WNT5A: variants seen among roughly 807,000 people sequenced by gnomAD.
WNT5A encodes protein Wnt-5a.
WNT5A carries 9 observed loss-of-function variants against 42.1 expected under a neutral mutation model. That is an observed-to-expected ratio of 0.21 (90% CI 0.13 to 0.37). The LOEUF (loss-of-function observed/expected upper bound fraction) is 0.37, where lower values mean the gene tolerates loss of function less well. Ranked by LOEUF, WNT5A falls within the 10% of genes least tolerant of loss-of-function variation. WNT5A has a pLI of 1.00. For missense variants in WNT5A, 426 were observed against 534.0 expected (o/e 0.80, Z 1.99); for synonymous variants, 210 against 210.0 (o/e 1.00, Z 0.00).
chr3:55,472,613 TGAGAGGCCTGAGAAAG>T (rs1198094220), intron 4 of WNT5A, among the ~76,000 whole-genome samples: 1 of 152,060 alleles, frequency 6.6e-6, no homozygotes, highest in Non-Finnish European at 1.5e-5. Flanking sequence ...ACCATGGCAG[TGAGAGGCCTGAGAAAG>T]GAGAGGCCAC....
chr3:55,497,068 GTGCCAGATCACA>G, the WNT5A span, among the ~76,000 whole-genome samples: 41 of 152,144 alleles, frequency 2.7e-4, no homozygotes, highest in African/African-American at 9.4e-4. Flanking sequence ...AGTATTGTAC[GTGCCAGATCACA>G]CCGGTTTGTC....
chr3:55,476,547 G>A (rs2051361554), intron 3 of WNT5A, among the ~76,000 whole-genome samples: 1 of 152,182 alleles, frequency 6.6e-6, no homozygotes. Context: ...GGGGATAGAG[G>A]AAAATAAGAC....
intron 2 of WNT5A, 37 bp from the exon 3 acceptor site, chr3:55,479,601 G>A (rs749001751): frequency 1.3e-6 from 2 of 1,534,704 alleles, no homozygotes; most frequent in Admixed American, 3.8e-5. Context: ...AGATTTACGT[G>A]AAATCTCGAG....
chr3:55,493,020 T>C (rs2051678960), upstream of WNT5A, among the ~76,000 whole-genome samples: 1 of 152,228 alleles, frequency 6.6e-6, no homozygotes, highest in Admixed American at 6.5e-5. Context: ...TCTTATTTCA[T>C]TAACTGGCTG....
At chr3:55,496,781 A>G in the WNT5A span, among the ~76,000 whole-genome samples, 1 of 152,384 alleles carries the variant, frequency 6.6e-6, no homozygotes, top group African/African-American at 2.4e-5. Flanking sequence ...GAGGATATCA[A>G]CATCTATTTC....
At chr3:55,494,572 CTT>C (rs761682614), upstream of WNT5A, among the ~76,000 whole-genome samples, 2 of 152,234 alleles carry the variant, frequency 1.3e-5, no homozygotes, top group South Asian at 4.1e-4. Context: ...GAGTCTCACT[CTT>C]GTCTCCCAGG....
chr3:55,500,582 C>T, the WNT5A span, among the ~76,000 whole-genome samples: 2 of 152,176 alleles, frequency 1.3e-5, no homozygotes, highest in Non-Finnish European at 2.9e-5. Context: ...GAGTGATTTG[C>T]TTGGGGCTAC....
Position 55,486,750 on chromosome 3 carries a change from T to G in WNT5A, c.6+230A>C, listed in dbSNP as rs566926. 0.76 allele frequency among the ~76,000 whole-genome samples: 115,357 copies of G among 152,110 alleles called. 45,319 individuals are homozygous for G. Among genetic ancestry groups the G allele is most frequent in the African/African-American group, 0.94 (39,067 of 41,546 alleles). ...CCCACTTTTTCTCAAAAATCAAAAT[T>G]GTTTGCAGAACGGGTGGTGCGACCA... On this transcript the variant is annotated intron_variant, in intron 1 of 4. Transcript: ENST00000264634.
intron 1 of WNT5A, among the ~76,000 whole-genome samples, chr3:55,486,018 A>C (rs2051571726): frequency 1.3e-5 from 2 of 152,230 alleles, no homozygotes; most frequent in African/African-American, 2.4e-5. Context: ...TTGTTTAGAA[A>C]ATAAAAACTT....
chr3:55,467,683 A>C lies in WNT5A; in HGVS notation c.*2409T>G, dbSNP rs555168456. The C allele has an allele frequency of 6.6e-6, 1 of 152,652 alleles. No individual in the cohort carries two copies. The highest frequency in any genetic ancestry group is 1.5e-5 in the Non-Finnish European group (1 of 68,046). 9.5% of individuals were successfully genotyped at this position (152,652 alleles called of 1,614,324 possible). The stretch of plus-strand genomic sequence containing the variant: ...GTGAAATATACAAATCACGCAAGAC[A>C]GAAATATGTACATTAAAAGTACAGA... On this transcript the variant is annotated 3_prime_UTR_variant, in exon 5 of 5. Coordinates refer to ENST00000264634, the MANE Select transcript of WNT5A (RefSeq NM_003392.7).
At chr3:55,482,026 T>G (rs530705143) in intron 1 of WNT5A, among the ~76,000 whole-genome samples, 2 of 152,360 alleles carry the variant, frequency 1.3e-5, no homozygotes, top group South Asian at 4.1e-4. Flanking sequence ...AGCCTGTCGT[T>G]GGAACTCTGC....
At position 55,487,241 on chromosome 3, in the gene WNT5A, G is replaced by C. The variant is rs534917445; in HGVS notation, c.-256C>G. On this transcript the variant is annotated 5_prime_UTR_variant, in exon 1 of 5. Transcript: ENST00000264634. ...GCGGACGCGCGCGAGCCGGCAGCAA[G>C]GGCAGGGCCTGGTCGGGGCGCAACT... 187 of 493,496 alleles carry C rather than the reference G, an allele frequency of 3.8e-4. No individual in the cohort carries two copies. The highest frequency in any genetic ancestry group is 3.6e-3 in the African/African-American group (176 of 48,630). 30.6% of individuals were successfully genotyped at this position (493,496 alleles called of 1,614,324 possible). A position where few individuals can be genotyped will look rare whatever the true frequency, so the allele number is the denominator to read the frequency against.
chr3:55,491,248 A>G (rs2051655787), upstream of WNT5A, among the ~76,000 whole-genome samples: 1 of 152,182 alleles, frequency 6.6e-6, no homozygotes, highest in Admixed American at 6.5e-5. Context: ...GATGGTGTTG[A>G]TTGGTTTGGC....
At chr3:55,470,690 A>T in intron 4 of WNT5A, 140 bp from the exon 5 acceptor site, 1 of 785,472 alleles carries the variant, frequency 1.3e-6, no homozygotes, top group Non-Finnish European at 1.9e-6. Flanking sequence ...TTCCTTCATT[A>T]CCAGAAGTCT....
chr3:55,504,051 C>T, the WNT5A span, among the ~76,000 whole-genome samples: 5 of 152,068 alleles, frequency 3.3e-5, no homozygotes, highest in African/African-American at 1.2e-4. Flanking sequence ...ACAGGTGGAT[C>T]ACTTGAGGTC....
At chr3:55,501,640 C>G in the WNT5A span, 2 of 152,222 alleles carry the variant, frequency 1.3e-5, no homozygotes, top group Non-Finnish European at 2.9e-5. Context: ...ACCCTTTACT[C>G]TTTTCATCTG....
Position 55,487,210 on chromosome 3 carries a change from G to T in WNT5A, c.-225C>A. 1 of 512,006 alleles carries T rather than the reference G, an allele frequency of 2.0e-6. No homozygotes were observed. The highest frequency in any genetic ancestry group is 3.0e-5 in the South Asian group (1 of 33,016). 31.7% of individuals were successfully genotyped at this position (512,006 alleles called of 1,614,324 possible). ...GAGCTGGGATGCGCCCAGGAATGGAGGGGGCGCGGACGCGCGCGAGCCGGC... is the reference window on the plus strand; with the variant it reads ...GAGCTGGGATGCGCCCAGGAATGGATGGGGCGCGGACGCGCGCGAGCCGGC... On this transcript the variant is annotated 5_prime_UTR_variant, in exon 1 of 5. Coordinates refer to ENST00000264634, the MANE Select transcript of WNT5A (RefSeq NM_003392.7).
At chr3:55,486,451 C>T (rs1442558557) in intron 1 of WNT5A, among the ~76,000 whole-genome samples, 3 of 152,222 alleles carry the variant, frequency 2.0e-5, no homozygotes, top group Non-Finnish European at 2.9e-5. Context: ...TGGCCTCCGT[C>T]GGTGCGGGGG....
intron 2 of WNT5A, 54 bp from the exon 3 acceptor site, chr3:55,479,618 C>T (rs1443592990): frequency 3.3e-6 from 5 of 1,528,818 alleles, no homozygotes; most frequent in African/African-American, 1.4e-5. Flanking sequence ...CGAGGTGGGC[C>T]CCCTGAAAGC....
Sources: gnomAD v4.1 joint callset for allele counts (sites outside exome capture counted in the v4.1 genomes callset) on GRCh38, gnomAD v4.1.1 for gene constraint, MANE v1.5 for transcripts, NCBI Gene and HGNC (gene_info 2026-07-23, HGNC 2026-07-21) for gene names.